The following CARD8 variants were observed in gnomAD, a reference collection of about 807,000 sequenced individuals.
CARD8 encodes caspase recruitment domain-containing protein 8.
In CARD8, 38 loss-of-function variants were observed where a neutral mutation model predicts 53.2. That is an observed-to-expected ratio of 0.71 (90% confidence interval 0.55 to 0.94). The LOEUF (loss-of-function observed/expected upper bound fraction) is 0.94, where lower values mean the gene tolerates loss of function less well. CARD8 is among the 40% of genes least tolerant of loss of function. CARD8 has a pLI of 0.00. For synonymous variants in CARD8, 245 were observed against 244.9 expected, an observed-to-expected ratio of 1.00 and a Z score of 0.00; for missense variants, 561 against 655.5, an observed-to-expected ratio of 0.86 and a Z score of 1.57.
downstream of CARD8, among the ~76,000 whole-genome samples, chr19:48,207,744 T>TTGTTTTTG (rs1464186370): frequency 5.5e-5 from 5 of 90,334 alleles, no homozygotes; most frequent in African/African-American, 1.8e-4. Context: ...GTTTTTTTTT[T>TTGTTTTTG]TTTTTTTTTG....
rs2037599643 is a variant in CARD8, at chr19:48,208,915, CAGAGGCTGCAGT to C, written c.*2783_*2794del. 1 of 134,182 alleles carries C rather than the reference CAGAGGCTGCAGT, an allele frequency of 7.5e-6. No individual in the cohort carries two copies. Among genetic ancestry groups the C allele is most frequent in the African/African-American group, 2.8e-5 (1 of 35,194 alleles). The allele number at this position is 134,182 out of a possible 1,614,324, so 8.3% of individuals were successfully genotyped here. Reference sequence around the variant, plus strand: ...AAGAGAATCGCTTGAGCCCGGGAGACAGAGGCTGCAGTGAGCTGAGATCACACCACTGCACTC... The same window carrying C: ...AAGAGAATCGCTTGAGCCCGGGAGACGAGCTGAGATCACACCACTGCACTC... On this transcript the variant is annotated 3_prime_UTR_variant, in exon 14 of 14. Coordinates refer to ENST00000651546, the MANE Select transcript of CARD8 (RefSeq NM_001184900.3).
At chr19:48,216,300 C>T (rs1412471494) in intron 12 of CARD8, among the ~76,000 whole-genome samples, 2 of 152,182 alleles carry the variant, frequency 1.3e-5, no homozygotes, top group Admixed American at 6.5e-5. Context: ...AGATTGCATT[C>T]TAGCCACTGA....
At chr19:48,226,053 C>CA (rs35050640) in intron 10 of CARD8, among the ~76,000 whole-genome samples, 32,211 of 78,186 alleles carry the variant, frequency 0.41, 6,085 homozygotes, top group East Asian at 0.56. Context: ...GACTCCGTCT[C>CA]AAAAAAAAAA....
chr19:48,228,691 G>C (rs562265877), intron 10 of CARD8, among the ~76,000 whole-genome samples: 1 of 152,248 alleles, frequency 6.6e-6, no homozygotes, highest in African/African-American at 2.4e-5. Context: ...TCCAATGTGG[G>C]GGCCATTCTA....
intron 5 of CARD8, among the ~76,000 whole-genome samples, chr19:48,237,894 G>C (rs570679586): frequency 6.6e-6 from 1 of 152,014 alleles, no homozygotes; most frequent in African/African-American, 2.4e-5. Flanking sequence ...CATTAATATT[G>C]TTATTATTTT....
At chr19:48,206,473 A>G (rs563177623), downstream of CARD8, 27 of 461,274 alleles carry the variant, frequency 5.9e-5, no homozygotes, top group East Asian at 1.9e-3. Flanking sequence ...AAGCAGGTGC[A>G]GCCAGTTCTA....
chr19:48,231,039 G>A (rs750936952), intron 8 of CARD8, 33 bp from the exon 9 acceptor site: 41 of 1,556,722 alleles, frequency 2.6e-5, no homozygotes, highest in Admixed American at 1.9e-4. Context: ...CATGACGGGA[G>A]AACCCCAGGA....
chr19:48,216,995 C>T (rs2039442465), intron 12 of CARD8, among the ~76,000 whole-genome samples: 1 of 152,072 alleles, frequency 6.6e-6, no homozygotes. Flanking sequence ...TGATGGGAGA[C>T]AGTGACAGAT....
Position 48,238,407 on chromosome 19 carries a change from G to A in CARD8, c.185C>T (p.Ala62Val). 1.3e-6 allele frequency: 2 copies of A among 1,535,966 alleles called. No individual in the cohort carries two copies. Among genetic ancestry groups the A allele is most frequent in the Non-Finnish European group, 1.7e-6 (2 of 1,146,882 alleles). ...CGTATCATTTGTCACACAGGCCTCA[G>A]CCTGAAAAAAAATTCCAGTTTTTGT... ...QYTKTGIFFQAEACVTNDTVY... is the reference protein window; with the variant it reads ...QYTKTGIFFQVEACVTNDTVY... The change falls in exon 5 of 14, where the codon GCT (alanine) becomes GTT (valine). Residue 62 changes from alanine (A) to valine (V), a missense_variant. Ala to Val is a moderately conservative substitution (Grantham distance 64). Transcript: ENST00000651546.
chr19:48,216,489 C>A (rs2039325822), intron 12 of CARD8, among the ~76,000 whole-genome samples: 1 of 152,194 alleles, frequency 6.6e-6, no homozygotes, highest in Non-Finnish European at 1.5e-5. Flanking sequence ...AGATGCTACT[C>A]ATGTGGAGAT....
chr19:48,204,115 G>A (rs557362708), downstream of CARD8: 14 of 453,654 alleles, frequency 3.1e-5, no homozygotes, highest in East Asian at 9.1e-4. Flanking sequence ...CTTGTCCAAA[G>A]GGTCTGGGCG....
chr19:48,240,927 C>T (rs1158392143), intron 4 of CARD8, 35 bp downstream of exon 4: 2 of 1,493,584 alleles, frequency 1.3e-6, no homozygotes, highest in African/African-American at 1.4e-5. Flanking sequence ...AAGAATCAGC[C>T]ATCAGGAGCC....
chr19:48,204,158 C>G (rs776620921), downstream of CARD8: 9 of 455,264 alleles, frequency 2.0e-5, no homozygotes, highest in Admixed American at 4.7e-5. Flanking sequence ...AGGAGGCGGA[C>G]GCGGGAAACC....
intron 10 of CARD8, among the ~76,000 whole-genome samples, chr19:48,222,456 C>T (rs907529751): frequency 2.6e-5 from 4 of 152,142 alleles, no homozygotes; most frequent in South Asian, 4.1e-4. Flanking sequence ...TTTGGGAGGC[C>T]GAGGTGGGCA....
chr19:48,239,718 T>C (rs971855184), intron 4 of CARD8, among the ~76,000 whole-genome samples: 3 of 152,122 alleles, frequency 2.0e-5, no homozygotes, highest in Non-Finnish European at 4.4e-5. Context: ...TCAGGTGATC[T>C]GCCCGCCTCC....
chr19:48,227,071 C>T (rs1254168834), intron 10 of CARD8, among the ~76,000 whole-genome samples: 1 of 133,936 alleles, frequency 7.5e-6, no homozygotes, highest in Non-Finnish European at 1.6e-5. Flanking sequence ...CCTGGTGACA[C>T]AGCAAGACTC....
At chr19:48,221,700 C>T in intron 11 of CARD8, 30 bp downstream of exon 11, 1 of 1,473,818 alleles carries the variant, frequency 6.8e-7, no homozygotes, top group Non-Finnish European at 9.1e-7. Flanking sequence ...CACTCTGAAA[C>T]CTGCTGAGTT....
At chr19:48,249,492 A>C (rs1181099018) in intron 3 of CARD8, 31 bp downstream of exon 3, 1 of 152,334 alleles carries the variant, frequency 6.6e-6, no homozygotes, top group African/African-American at 2.4e-5. Flanking sequence ...ACTCTGCAGA[A>C]GTAAGTGTAG....
chr19:48,238,560 G>A, intron 4 of CARD8, 28 bp from the exon 5 acceptor site: 2 of 1,535,700 alleles, frequency 1.3e-6, no homozygotes, highest in Non-Finnish European at 1.7e-6. Context: ...GAATTGGAAT[G>A]TGAGCATGTC....
Sources: gnomAD v4.1 joint callset for allele counts (sites outside exome capture counted in the v4.1 genomes callset) on GRCh38, gnomAD v4.1.1 for gene constraint, MANE v1.5 for transcripts, NCBI Gene and HGNC (gene_info 2026-07-23, HGNC 2026-07-21) for gene names.